ASAP1: variants seen among roughly 807,000 people sequenced by gnomAD.
ASAP1 encodes arf-GAP with SH3 domain, ANK repeat and PH domain-containing protein 1.
Under a neutral mutation model 145.2 loss-of-function variants are expected in ASAP1, and 43 were observed. The observed-to-expected ratio is 0.30, with a 90% confidence interval of 0.23 to 0.38. The LOEUF (loss-of-function observed/expected upper bound fraction) is 0.38, where lower values mean the gene tolerates loss of function less well. Ranked by LOEUF, ASAP1 falls within the 10% of genes least tolerant of loss-of-function variation. ASAP1 has a pLI of 1.00. For missense variants in ASAP1, 1,018 were observed against 1,355.3 expected (o/e 0.75, Z 3.91); for synonymous variants, 546 against 515.5 (o/e 1.06, Z -0.80).
chr8:130,116,856 T>C (rs1366327859), intron 21 of ASAP1, 24 bp downstream of exon 21: 1 of 1,596,798 alleles, frequency 6.3e-7, no homozygotes, highest in African/African-American at 1.3e-5. Flanking sequence ...ACTACAGTCA[T>C]GAAGACACTA....
At chr8:130,172,888 T>A (rs543076752) in intron 9 of ASAP1, among the ~76,000 whole-genome samples, 1 of 152,366 alleles carries the variant, frequency 6.6e-6, no homozygotes, top group South Asian at 2.1e-4. Flanking sequence ...CTTCAATTAT[T>A]CAGACTGTTA....
chr8:130,193,499 T>G (rs956452790), intron 5 of ASAP1, among the ~76,000 whole-genome samples: 6 of 152,232 alleles, frequency 3.9e-5, no homozygotes, highest in African/African-American at 1.4e-4. Flanking sequence ...GGCAAAGAAA[T>G]AGGGTGGGAG....
chr8:130,198,403 G>A (rs1815651774), intron 5 of ASAP1, among the ~76,000 whole-genome samples: 2 of 152,082 alleles, frequency 1.3e-5, no homozygotes, highest in Admixed American at 1.3e-4. Context: ...GGCATTTCAG[G>A]TACTTTTAAG....
intron 3 of ASAP1, among the ~76,000 whole-genome samples, chr8:130,253,461 A>G (rs1336341559): frequency 2.6e-5 from 4 of 152,176 alleles, no homozygotes; most frequent in African/African-American, 4.8e-5. Context: ...AGTTAGCAAG[A>G]ACAAATTTTA....
intron 3 of ASAP1, among the ~76,000 whole-genome samples, chr8:130,316,880 A>C (rs1273227816): frequency 6.6e-6 from 1 of 152,238 alleles, no homozygotes; most frequent in Admixed American, 6.5e-5. Context: ...TACTGGCCAA[A>C]GATCAACTAA....
intron 2 of ASAP1, among the ~76,000 whole-genome samples, chr8:130,400,580 G>A (rs1297885178): frequency 6.6e-6 from 1 of 151,808 alleles, no homozygotes; most frequent in Admixed American, 6.6e-5. Flanking sequence ...GAGGTCAGGA[G>A]ATCAAGACCA....
intron 18 of ASAP1, among the ~76,000 whole-genome samples, chr8:130,120,498 G>A (rs887900894): frequency 1.3e-5 from 2 of 152,238 alleles, no homozygotes; most frequent in African/African-American, 4.8e-5. Flanking sequence ...GGATGCACAT[G>A]TTAGGGGTTC....
chr8:130,176,365 G>A (rs1440045479), intron 9 of ASAP1, among the ~76,000 whole-genome samples: 2 of 152,162 alleles, frequency 1.3e-5, no homozygotes, highest in Non-Finnish European at 2.9e-5. Flanking sequence ...ACTGACAGAA[G>A]TAGAAAAGAA....
At chr8:130,152,497 A>C (rs578133913) in intron 13 of ASAP1, 5 of 335,152 alleles carry the variant, frequency 1.5e-5, no homozygotes, top group African/African-American at 1.1e-4. Context: ...TAATATTATG[A>C]AATCAAAATA....
intron 18 of ASAP1, among the ~76,000 whole-genome samples, chr8:130,119,956 A>G (rs977671386): frequency 6.6e-5 from 10 of 152,342 alleles, no homozygotes; most frequent in African/African-American, 1.9e-4. Flanking sequence ...CACCTGTGGA[A>G]GCTGCTACTG....
At chr8:130,176,382 A>G (rs778705713) in intron 9 of ASAP1, among the ~76,000 whole-genome samples, 6 of 152,232 alleles carry the variant, frequency 3.9e-5, no homozygotes, top group Non-Finnish European at 7.3e-5. Flanking sequence ...AGAATAAAGG[A>G]AACTACTCTG....
intron 1 of ASAP1, among the ~76,000 whole-genome samples, chr8:130,420,376 C>T (rs2138701135): frequency 6.6e-6 from 1 of 152,038 alleles, no homozygotes; most frequent in Non-Finnish European, 1.5e-5. Flanking sequence ...TTGGAAAAGT[C>T]AAAACATGGG....
intron 2 of ASAP1, among the ~76,000 whole-genome samples, chr8:130,382,622 G>A (rs748850978): frequency 2.1e-4 from 32 of 152,280 alleles, no homozygotes; most frequent in Middle Eastern, 3.4e-3. Flanking sequence ...TGAGGTGGGC[G>A]GATCACTTGA....
Position 130,364,599 on chromosome 8 carries a change from G to A in ASAP1, c.60-6456C>T, listed in dbSNP as rs16904255. On this transcript the variant is annotated intron_variant, in intron 2 of 29. Coordinates refer to ENST00000518721, the MANE Select transcript of ASAP1 (RefSeq NM_018482.4). Reference sequence around the variant, plus strand: ...GCTTTTTCTGTTGGGGTATATGTGCGTGTGTTTTCCTTCTGGGGAACTCAT... The same window carrying A: ...GCTTTTTCTGTTGGGGTATATGTGCATGTGTTTTCCTTCTGGGGAACTCAT... Among the ~76,000 whole-genome samples, 413 of 152,260 alleles carry A rather than the reference G, an allele frequency of 2.7e-3. 11 individuals carry two copies. In the East Asian group the frequency reaches 0.054, roughly 20 times the overall value.
At chr8:130,196,885 A>C (rs1272773919) in intron 5 of ASAP1, among the ~76,000 whole-genome samples, 2 of 152,220 alleles carry the variant, frequency 1.3e-5, no homozygotes, top group African/African-American at 4.8e-5. Flanking sequence ...CAGAGTTATA[A>C]TACCTTGAAG....
intron 3 of ASAP1, among the ~76,000 whole-genome samples, chr8:130,348,186 G>A (rs1243363274): frequency 1.3e-5 from 2 of 152,178 alleles, no homozygotes. Context: ...AGAAATGCAA[G>A]GTATCCAGGC....
At chr8:130,339,987 T>G (rs1183621559) in intron 3 of ASAP1, among the ~76,000 whole-genome samples, 1 of 152,224 alleles carries the variant, frequency 6.6e-6, no homozygotes, top group African/African-American at 2.4e-5. Flanking sequence ...CCTAAATTCT[T>G]CAAGGCTTCC....
chr8:130,190,141 T>G (rs1297179217), intron 5 of ASAP1, among the ~76,000 whole-genome samples: 1 of 152,232 alleles, frequency 6.6e-6, no homozygotes, highest in Non-Finnish European at 1.5e-5. Context: ...CAGAAGCTTT[T>G]TAACTTCATA....
At chr8:130,142,936 GA>G (rs1565010393) in intron 13 of ASAP1, among the ~76,000 whole-genome samples, 2 of 152,180 alleles carry the variant, frequency 1.3e-5, no homozygotes. Context: ...AGAGAGTAAG[GA>G]AGATGAGCAA....
Sources: allele counts gnomAD v4.1 joint callset (sites outside exome capture counted in the v4.1 genomes callset), GRCh38; gene constraint gnomAD v4.1.1; transcripts MANE v1.5; gene names NCBI Gene and HGNC (gene_info 2026-07-23, HGNC 2026-07-21).